The following RPAP2 variants were observed in gnomAD, a reference collection of about 807,000 sequenced individuals.
RPAP2 encodes the protein putative RNA polymerase II subunit B1 CTD phosphatase RPAP2.
A neutral mutation model predicts 73.1 loss-of-function variants in RPAP2; 52 were observed. The observed-to-expected ratio is 0.71, with a 90% CI of 0.57 to 0.90. RPAP2 has a LOEUF of 0.90. RPAP2 is among the 40% of genes least tolerant of loss of function. RPAP2 has a pLI of 0.00. For synonymous variants in RPAP2, 225 were observed against 242.1 expected, an observed-to-expected ratio of 0.93 and a Z score of 0.65; for missense variants, 598 against 701.8, an observed-to-expected ratio of 0.85 and a Z score of 1.67.
intron 12 of RPAP2, among the ~76,000 whole-genome samples, chr1:92,381,376 A>G (rs1655621397): frequency 6.6e-6 from 1 of 152,190 alleles, no homozygotes; most frequent in Admixed American, 6.5e-5. Flanking sequence ...CCAGATACAC[A>G]GCCCTCTCCT....
chr1:92,385,173 CAAAA>C (rs10708018), intron 12 of RPAP2, among the ~76,000 whole-genome samples: 16 of 122,980 alleles, frequency 1.3e-4, no homozygotes, highest in Non-Finnish European at 1.4e-4. Context: ...GACCCTGTCT[CAAAA>C]AAAAAAAAAA....
intron 6 of RPAP2, among the ~76,000 whole-genome samples, chr1:92,318,056 G>GCTCT (rs1167403989): frequency 3.9e-5 from 6 of 152,184 alleles, no homozygotes; most frequent in African/African-American, 1.2e-4. Context: ...CTCTAGCCTA[G>GCTCT]CTCTATTCTT....
At chr1:92,312,820 T>C (rs1431320773) in intron 6 of RPAP2, among the ~76,000 whole-genome samples, 3 of 152,058 alleles carry the variant, frequency 2.0e-5, no homozygotes, top group African/African-American at 7.2e-5. Flanking sequence ...CTTTTTTTTT[T>C]TTTCCTTTTT....
chr1:92,371,338 ACCTACAG>A (rs1655145602), intron 11 of RPAP2, among the ~76,000 whole-genome samples: 2 of 109,006 alleles, frequency 1.8e-5, no homozygotes, highest in African/African-American at 3.6e-5. Context: ...ATATATATAT[ACCTACAG>A]TATAATCCAG....
At chr1:92,330,743 C>T (rs1359896928) in intron 8 of RPAP2, among the ~76,000 whole-genome samples, 1 of 152,138 alleles carries the variant, frequency 6.6e-6, no homozygotes, top group Admixed American at 6.5e-5. Flanking sequence ...TGAACCACCA[C>T]GCCTGGCCTG....
intron 11 of RPAP2, among the ~76,000 whole-genome samples, chr1:92,349,660 G>A (rs1254618835): frequency 6.6e-6 from 1 of 152,182 alleles, no homozygotes; most frequent in Admixed American, 6.5e-5. Flanking sequence ...AGGTGCAGTG[G>A]CTCATGCCTA....
At chr1:92,360,698 G>C (rs1315372415) in intron 11 of RPAP2, among the ~76,000 whole-genome samples, 1 of 151,994 alleles carries the variant, frequency 6.6e-6, no homozygotes. Context: ...CTCTCTCCTT[G>C]CCTTAAATGT....
chr1:92,323,966 G>C lies in RPAP2; in HGVS notation c.1046G>C (p.Arg349Thr). Residue 349 changes from arginine (R) to threonine (T), a missense_variant, in exon 8 of 13, where the codon AGG becomes ACG. Physicochemically the swap from Arg to Thr is moderately conservative, Grantham distance 71. Coordinates refer to ENST00000610020, the MANE Select transcript of RPAP2 (RefSeq NM_024813.3). The part of the protein sequence containing the change: ...RKFAKSNQVS[R>T]SVSSSVQVCP... ...TTTGCCAAATCAAACCAAGTGTCTA[G>C]GTCAGTGTCTAGTTCAGTGCAGGTG... is the stretch of plus-strand genomic sequence containing the variant. The C allele has an allele frequency of 6.2e-7, 1 of 1,614,148 alleles. No individual in the cohort carries two copies. Among genetic ancestry groups the C allele is most frequent in the Non-Finnish European group, 8.5e-7 (1 of 1,180,012 alleles).
rs1353428116 is a variant in RPAP2, at chr1:92,305,365, G to A, written c.399+1016G>A. Among the ~76,000 whole-genome samples, 36 of 141,626 alleles carry A rather than the reference G, an allele frequency of 2.5e-4. 1 individual carries two copies. Among genetic ancestry groups the A allele is most frequent in the African/African-American group, 9.6e-4 (36 of 37,434 alleles). The allele number at this position is 141,626 out of a possible 152,430, so 92.9% of individuals were successfully genotyped here. A position where few individuals can be genotyped will look rare whatever the true frequency, so the allele number is the denominator to read the frequency against. On this transcript the variant is annotated intron_variant, in intron 5 of 12. Coordinates refer to ENST00000610020, the MANE Select transcript of RPAP2 (RefSeq NM_024813.3). ...GGAGAATGGCGTGAACCCGGGAGGC[G>A]GAGCTTGCAGTGAGCCGAGATCGCA...
At chr1:92,310,848 G>T (rs1206604001) in intron 6 of RPAP2, among the ~76,000 whole-genome samples, 2 of 151,612 alleles carry the variant, frequency 1.3e-5, no homozygotes, top group South Asian at 2.1e-4. Context: ...AGTGAGCCGA[G>T]ATCACACCAT....
At chr1:92,307,532 G>A (rs927986338) in intron 6 of RPAP2, among the ~76,000 whole-genome samples, 5 of 152,148 alleles carry the variant, frequency 3.3e-5, no homozygotes, top group Admixed American at 1.3e-4. Context: ...CCAGTGTCCT[G>A]TGATGCTAGT....
At chr1:92,352,077 G>C (rs1434123312) in intron 11 of RPAP2, among the ~76,000 whole-genome samples, 1 of 152,124 alleles carries the variant, frequency 6.6e-6, no homozygotes, top group African/African-American at 2.4e-5. Context: ...GCTATTCCTA[G>C]TTCTATGCCC....
intron 5 of RPAP2, among the ~76,000 whole-genome samples, chr1:92,304,697 A>C (rs1197681925): frequency 6.6e-6 from 1 of 152,238 alleles, no homozygotes; most frequent in African/African-American, 2.4e-5. Context: ...ATTGTAGATC[A>C]GTAGAGAAAG....
At chr1:92,378,067 C>T (rs577586594) in intron 11 of RPAP2, among the ~76,000 whole-genome samples, 44 of 152,228 alleles carry the variant, frequency 2.9e-4, no homozygotes, top group Non-Finnish European at 5.1e-4. Context: ...GGGTTAAGTA[C>T]TAATGGCACT....
Position 92,300,321 on chromosome 1 carries a change from AC to A in RPAP2, c.119+84del, listed in dbSNP as rs1650730787. The A allele has an allele frequency of 4.6e-6, 5 of 1,094,966 alleles. No homozygotes were observed. In the African/African-American group the frequency reaches 4.8e-5, roughly 10 times the overall value. The allele number at this position is 1,094,966 out of a possible 1,614,324, so 67.8% of individuals were successfully genotyped here. ...TACCAATTTTAAAACAATAATGGTT[AC>A]CTTTTTTTTTTTAGAGAAAATTATC... On this transcript the variant is annotated intron_variant, in intron 2 of 12. Transcript: ENST00000610020.
At chr1:92,312,786 C>T (rs575500785) in intron 6 of RPAP2, among the ~76,000 whole-genome samples, 2 of 151,976 alleles carry the variant, frequency 1.3e-5, no homozygotes, top group African/African-American at 4.8e-5. Flanking sequence ...ATATTTTGGC[C>T]TCCTCCCATG....
In RPAP2 at chr1:92,299,134, C is replaced by A; in HGVS notation, c.61C>A (p.Arg21=). Reference sequence around the variant, plus strand: ...CAAGGCCGGGGCTCCCCGCTGCTCTCGAAAAGCCGCAGGTAGGAGCAAGGA... The same window carrying A: ...CAAGGCCGGGGCTCCCCGCTGCTCTAGAAAAGCCGCAGGTAGGAGCAAGGA... ...GRKAGAPRCS[R]KAAGTKQTST... The change falls in exon 1 of 13, where the codon CGA becomes AGA. Residue 21 remains arginine, a synonymous_variant. Coordinates refer to ENST00000610020, the MANE Select transcript of RPAP2 (RefSeq NM_024813.3). 1 of 1,517,556 alleles carries A rather than the reference C, an allele frequency of 6.6e-7. No homozygotes were observed. Among genetic ancestry groups the A allele is most frequent in the Non-Finnish European group, 8.9e-7 (1 of 1,128,836 alleles). 94.0% of individuals were successfully genotyped at this position (1,517,556 alleles called of 1,614,324 possible).
At chr1:92,325,087 C>G (rs995408623) in intron 8 of RPAP2, among the ~76,000 whole-genome samples, 1 of 152,004 alleles carries the variant, frequency 6.6e-6, no homozygotes, top group Non-Finnish European at 1.5e-5. Flanking sequence ...AAATAGTACC[C>G]ATATGTAGAG....
chr1:92,384,102 C>T (rs1281666282), intron 12 of RPAP2, among the ~76,000 whole-genome samples: 1 of 151,472 alleles, frequency 6.6e-6, no homozygotes, highest in South Asian at 2.1e-4. Flanking sequence ...GGACTACAGG[C>T]GTGCACCACC....
Sources: allele counts gnomAD v4.1 joint callset (sites outside exome capture counted in the v4.1 genomes callset), GRCh38; gene constraint gnomAD v4.1.1; transcripts MANE v1.5; gene names NCBI Gene and HGNC (gene_info 2026-07-23, HGNC 2026-07-21).